RFK: variants seen among roughly 807,000 people sequenced by gnomAD.
RFK encodes the protein riboflavin kinase, also known as 0610038L10Rik.
A neutral mutation model predicts 17.6 loss-of-function variants in RFK; 4 were observed. The ratio of observed to expected loss-of-function variants is 0.23; its 90% confidence interval spans 0.11 to 0.52. The LOEUF (loss-of-function observed/expected upper bound fraction) is 0.52, where lower values mean the gene tolerates loss of function less well. RFK is among the 20% of genes least tolerant of loss of function. RFK has a pLI of 0.96. For synonymous variants in RFK, 59 were observed against 63.8 expected (o/e 0.92, Z 0.36); for missense variants, 189 against 187.7 (o/e 1.01, Z -0.04).
rs1822755838 is a variant in RFK at position 76,387,591 on chromosome 9, C to T, written c.338-62G>A. Reference sequence around the variant, plus strand: ...ACCATTAACATACTTTTTACTACTACTCTGTTTAGCCAATCCTAAAAACTC... The same window carrying T: ...ACCATTAACATACTTTTTACTACTATTCTGTTTAGCCAATCCTAAAAACTC... On this transcript the variant is annotated intron_variant, in intron 3 of 3. Transcript: ENST00000376736. 14 of 1,511,616 alleles carry T rather than the reference C, an allele frequency of 9.3e-6. 1 individual carries two copies. Among genetic ancestry groups the T allele is most frequent in the Non-Finnish European group, 1.3e-5 (14 of 1,113,772 alleles). The allele number at this position is 1,511,616 out of a possible 1,614,324, so 93.6% of individuals were successfully genotyped here.
rs1822859459 is a variant in RFK at position 76,394,154 on chromosome 9, G to A, written c.18C>T (p.Tyr6=). MRHLP[Y]FCRGQVVRGF... Reference sequence around the variant, plus strand: ...CCCGCACCACTTGACCCCGGCAGAAGTAAGGCAGGTGCCTCATAATGCAGT... The same window carrying A: ...CCCGCACCACTTGACCCCGGCAGAAATAAGGCAGGTGCCTCATAATGCAGT... Residue 6 remains tyrosine, a synonymous_variant, in exon 1 of 4, where the codon TAC becomes TAT. Transcript: ENST00000376736. 1 of 1,607,530 alleles carries A rather than the reference G, an allele frequency of 6.2e-7. No homozygotes were observed.
At chr9:76,393,610 T>C (rs1822848052) in intron 1 of RFK, 1 of 155,316 alleles carries the variant, frequency 6.4e-6, no homozygotes, top group Admixed American at 6.5e-5. Flanking sequence ...AGGTCTCGAT[T>C]ATTGAAATTA....
At chr9:76,392,609 C>T (rs748043965) in intron 1 of RFK, 40 bp from the exon 2 acceptor site, 24 of 1,605,972 alleles carry the variant, frequency 1.5e-5, no homozygotes, top group Non-Finnish European at 2.0e-5. Flanking sequence ...TTACAAATTT[C>T]GTATTAAATG....
In RFK at chr9:76,386,035, G is replaced by A. The variant is rs1822723897; in HGVS notation, c.*1364C>T. 6.6e-6 allele frequency: 1 copy of A among 152,000 alleles called. No individual in the cohort carries two copies. The highest frequency in any genetic ancestry group is 6.6e-5 in the Admixed American group (1 of 15,256). 9.4% of individuals were successfully genotyped at this position (152,000 alleles called of 1,614,324 possible). On this transcript the variant is annotated 3_prime_UTR_variant, in exon 4 of 4. Transcript: ENST00000376736. ...AGTTCTAATTCATTTATGCAGATTA[G>A]GGGAAAATGATTCATAATAAATTAA...
Position 76,388,726 on chromosome 9 carries a change from T to G in RFK, c.235-70A>C, listed in dbSNP as rs185023990. The G allele has an allele frequency of 9.7e-6, 8 of 828,834 alleles. No individual in the cohort carries two copies. The Admixed American group carries it at 1.7e-4, about 17-fold the overall frequency. 51.3% of individuals were successfully genotyped at this position (828,834 alleles called of 1,614,324 possible). ...TACTGAAATCTGAAATACATCTTCA[T>G]GTTTATGGTGAGTTAATTTAAATGA... On this transcript the variant is annotated intron_variant, in intron 2 of 3. Coordinates refer to ENST00000376736, the MANE Select transcript of RFK (RefSeq NM_018339.6).
rs902166202 is a variant in RFK at position 76,390,266 on chromosome 9, C to A, written c.235-1610G>T. Among the ~76,000 whole-genome samples, 13 of 152,046 alleles carry A rather than the reference C, an allele frequency of 8.6e-5. 1 individual carries two copies. The highest frequency in any genetic ancestry group is 8.8e-5 in the Non-Finnish European group (6 of 68,000). ...AGTCAATTAAACTTTTAGAAAAAAA[C>A]CACAGACAAGTATCTTCATGACTTT... On this transcript the variant is annotated intron_variant, in intron 2 of 3. Transcript: ENST00000376736.
At chr9:76,388,060 A>G in intron 3 of RFK, 1 of 339,420 alleles carries the variant, frequency 2.9e-6, no homozygotes, top group Non-Finnish European at 5.7e-6. Flanking sequence ...GCATAGGCAT[A>G]AATGTACACT....
chr9:76,393,230 G>A (rs1172116621), intron 1 of RFK, among the ~76,000 whole-genome samples: 3 of 147,114 alleles, frequency 2.0e-5, no homozygotes, highest in East Asian at 2.0e-4. Context: ...TTTTTGAGAC[G>A]GTGTCTCACT....
Position 76,394,279 on chromosome 9 carries a change from C to G in RFK, c.-108G>C. The G allele has an allele frequency of 9.0e-7, 1 of 1,115,404 alleles. No homozygotes were observed. The highest frequency in any genetic ancestry group is 1.2e-6 in the Non-Finnish European group (1 of 811,106). 69.1% of individuals were successfully genotyped at this position (1,115,404 alleles called of 1,614,324 possible). A position where few individuals can be genotyped will look rare whatever the true frequency, so the allele number is the denominator to read the frequency against. On this transcript the variant is annotated 5_prime_UTR_variant, in exon 1 of 4. Transcript: ENST00000376736. ...ACCAGCCGGGGGACAGGAGCGTGAGCTCTGCCTGCCGCGGGGGCGCACCAG... is the reference window on the plus strand; with the variant it reads ...ACCAGCCGGGGGACAGGAGCGTGAGGTCTGCCTGCCGCGGGGGCGCACCAG...
chr9:76,394,132 G>A lies in RFK; in HGVS notation c.40C>T (p.Arg14Trp). ...TGCTTGGAGCCGCGGCCGAAGCCCC[G>A]CACCACTTGACCCCGGCAGAAGTAA... ...LPYFCRGQVV[R>W]GFGRGSKQLG... The change falls in exon 1 of 4, where the codon CGG (arginine) becomes TGG (tryptophan). Residue 14 changes from arginine to tryptophan, a missense_variant. Transcript: ENST00000376736. The A allele has an allele frequency of 6.2e-7, 1 of 1,609,734 alleles. No homozygotes were observed. Among genetic ancestry groups the A allele is most frequent in the Non-Finnish European group, 8.5e-7 (1 of 1,178,898 alleles).
chr9:76,393,179 A>T (rs544591782), intron 1 of RFK, among the ~76,000 whole-genome samples: 1 of 151,732 alleles, frequency 6.6e-6, no homozygotes, highest in East Asian at 1.9e-4. Flanking sequence ...TTTCCTAACC[A>T]GGTACTGAAT....
intron 2 of RFK, 100 bp from the exon 3 acceptor site, chr9:76,388,756 A>G: frequency 1.5e-6 from 1 of 682,416 alleles, no homozygotes; most frequent in Non-Finnish European, 2.5e-6. Context: ...AAATGAAACA[A>G]TCAACACTCC....
At position 76,387,505 on chromosome 9, in the gene RFK, C is replaced by T; in HGVS notation, c.362G>A (p.Gly121Asp). 6.2e-7 allele frequency: 1 copy of T among 1,610,962 alleles called. No homozygotes were observed. Among genetic ancestry groups the T allele is most frequent in the Non-Finnish European group, 8.5e-7 (1 of 1,179,280 alleles). The change falls in exon 4 of 4, where the codon GGT becomes GAT. Residue 121 changes from glycine (G) to aspartate (D), a missense_variant. By Grantham distance (94) the Gly-to-Asp change is moderately conservative (BLOSUM62 -1). This residue lies in a region of RFK where 95 missense variants were observed against 95.7 expected (regional missense o/e 0.99). Transcript: ENST00000376736. ...SLESLISAIQ[G>D]DIEEAKKRLE... Reference sequence around the variant, plus strand: ...TCGTTTCTTAGCTTCTTCAATATCACCTTGAATTGCTGAAATAAGTGACTC... The same window carrying T: ...TCGTTTCTTAGCTTCTTCAATATCATCTTGAATTGCTGAAATAAGTGACTC...
In RFK at chr9:76,386,867, T is replaced by TC. The variant is rs1049363736; in HGVS notation, c.*531dup. 2 of 152,164 alleles carry TC rather than the reference T, an allele frequency of 1.3e-5. No homozygotes were observed. The highest frequency in any genetic ancestry group is 4.8e-5 in the African/African-American group (2 of 41,428). The allele number at this position is 152,164 out of a possible 1,614,324, so 9.4% of individuals were successfully genotyped here. ...CTATCAACCTTCTATTTAATGCATT[T>TC]CCTTTTTTTTTATTTATAGAGATGG... On this transcript the variant is annotated 3_prime_UTR_variant, in exon 4 of 4. Coordinates refer to ENST00000376736, the MANE Select transcript of RFK (RefSeq NM_018339.6).
rs1822732550 is a variant in RFK, at chr9:76,386,391, C to T, written c.*1008G>A. ...TAACTATTTCATAGTTTAATTGGCTCTTAAATAGTTTTGCTAGGGAGGAAA... is the reference window on the plus strand; with the variant it reads ...TAACTATTTCATAGTTTAATTGGCTTTTAAATAGTTTTGCTAGGGAGGAAA... On this transcript the variant is annotated 3_prime_UTR_variant, in exon 4 of 4. Transcript: ENST00000376736. 6.6e-6 allele frequency: 1 copy of T among 152,042 alleles called. No individual in the cohort carries two copies. The highest frequency in any genetic ancestry group is 6.5e-5 in the Admixed American group (1 of 15,276). The allele number at this position is 152,042 out of a possible 1,614,324, so 9.4% of individuals were successfully genotyped here. A position where few individuals can be genotyped will look rare whatever the true frequency, so the allele number is the denominator to read the frequency against.
In RFK at chr9:76,394,233, G is replaced by C. The variant is rs1186493414; in HGVS notation, c.-62C>G. 6.6e-7 allele frequency: 1 copy of C among 1,508,350 alleles called. No individual in the cohort carries two copies. Among genetic ancestry groups the C allele is most frequent in the Non-Finnish European group, 8.9e-7 (1 of 1,119,120 alleles). 93.4% of individuals were successfully genotyped at this position (1,508,350 alleles called of 1,614,324 possible). A position where few individuals can be genotyped will look rare whatever the true frequency, so the allele number is the denominator to read the frequency against. On this transcript the variant is annotated 5_prime_UTR_variant, in exon 1 of 4. Coordinates refer to ENST00000376736, the MANE Select transcript of RFK (RefSeq NM_018339.6). ...CTGCGCGTCCTGCGGAGCCGCCGTC[G>C]ACGCGGCGCCCAGACCCCGGACCAG...
intron 1 of RFK, among the ~76,000 whole-genome samples, chr9:76,393,128 A>C (rs1822838322): frequency 6.6e-6 from 1 of 152,140 alleles, no homozygotes; most frequent in East Asian, 1.9e-4. Flanking sequence ...TAGGATGCAA[A>C]AAACAAGTAC....
At chr9:76,390,866 C>G (rs541715472) in intron 2 of RFK, among the ~76,000 whole-genome samples, 2 of 150,430 alleles carry the variant, frequency 1.3e-5, no homozygotes, top group Admixed American at 1.3e-4. Flanking sequence ...GGACAAAGGT[C>G]TGGCACAGGC....
chr9:76,389,363 G>A (rs904545746), intron 2 of RFK, among the ~76,000 whole-genome samples: 2 of 152,108 alleles, frequency 1.3e-5, no homozygotes, highest in South Asian at 2.1e-4. Context: ...GGTGGGGGGC[G>A]GCTTGAGTTA....
Sources: allele counts gnomAD v4.1 joint callset (sites outside exome capture counted in the v4.1 genomes callset), GRCh38; gene constraint gnomAD v4.1.1; regional missense constraint gnomAD v4.1.1; transcripts MANE v1.5; gene names NCBI Gene and HGNC (gene_info 2026-07-23, HGNC 2026-07-21).